Variants in TCERG1L observed in about 807,000 individuals in gnomAD.
TCERG1L encodes the protein transcription elongation regulator 1-like protein.
In TCERG1L, 37 loss-of-function variants were observed where a neutral mutation model predicts 56.3. That is an observed-to-expected ratio of 0.66 (90% CI 0.51 to 0.87). TCERG1L has a LOEUF of 0.87. TCERG1L is among the 40% of genes least tolerant of loss of function. The pLI is 0.00. For missense variants in TCERG1L, 799 were observed against 774.2 expected (o/e 1.03, Z -0.38); for synonymous variants, 324 against 326.3 (o/e 0.99, Z 0.08).
At chr10:131,285,974 T>C (rs1217343853) in intron 3 of TCERG1L, among the ~76,000 whole-genome samples, 1 of 152,204 alleles carries the variant, frequency 6.6e-6, no homozygotes, top group Non-Finnish European at 1.5e-5. Context: ...AGGACCAGCA[T>C]GGGGTACCAG....
chr10:131,140,637 G>C (rs1209913171), intron 7 of TCERG1L, among the ~76,000 whole-genome samples: 2 of 152,200 alleles, frequency 1.3e-5, no homozygotes, highest in Non-Finnish European at 2.9e-5. Context: ...GGGCACAGTG[G>C]GGGGTCCTCC....
At chr10:131,168,265 TC>T (rs879903625) in intron 4 of TCERG1L, among the ~76,000 whole-genome samples, 1 of 151,956 alleles carries the variant, frequency 6.6e-6, no homozygotes, top group Admixed American at 6.6e-5. Flanking sequence ...AGACTGGGGG[TC>T]CCACTGGCAC....
intron 7 of TCERG1L, among the ~76,000 whole-genome samples, chr10:131,144,097 C>G (rs979776103): frequency 2.6e-5 from 4 of 152,156 alleles, no homozygotes; most frequent in Admixed American, 1.3e-4. Flanking sequence ...CACATACACA[C>G]ACGCTCCCGA....
intron 4 of TCERG1L, among the ~76,000 whole-genome samples, chr10:131,256,933 G>A (rs1237498630): frequency 7.1e-6 from 1 of 140,142 alleles, no homozygotes; most frequent in South Asian, 2.4e-4. Context: ...GGAAGGAAGG[G>A]AGGGAGGAAG....
chr10:131,211,552 G>A (rs1845620756), intron 4 of TCERG1L, among the ~76,000 whole-genome samples: 1 of 152,228 alleles, frequency 6.6e-6, no homozygotes, highest in Admixed American at 6.5e-5. Context: ...CCTGGGACAA[G>A]TGAAAGCAAA....
intron 3 of TCERG1L, among the ~76,000 whole-genome samples, chr10:131,294,160 A>G (rs1051050740): frequency 5.3e-5 from 8 of 152,216 alleles, no homozygotes; most frequent in Admixed American, 5.2e-4. Context: ...AGGAAACTGT[A>G]TATCTGAAGA....
intron 4 of TCERG1L, among the ~76,000 whole-genome samples, chr10:131,232,729 C>T (rs939030430): frequency 1.3e-5 from 2 of 152,150 alleles, no homozygotes; most frequent in Non-Finnish European, 2.9e-5. Context: ...AAAATGGGCA[C>T]AAAACCCTCC....
chr10:131,288,656 A>T (rs1846573195), intron 3 of TCERG1L, among the ~76,000 whole-genome samples: 1 of 152,192 alleles, frequency 6.6e-6, no homozygotes, highest in Non-Finnish European at 1.5e-5. Context: ...AGATGAAATG[A>T]GTTAAGATGC....
At chr10:131,111,413 A>T (rs1295302287) in intron 9 of TCERG1L, among the ~76,000 whole-genome samples, 1 of 143,160 alleles carries the variant, frequency 7.0e-6, no homozygotes, top group Admixed American at 6.9e-5. Context: ...TACTTTTGCG[A>T]AAGTCCTGGA....
At chr10:131,109,496 CTG>C (rs1845389528) in intron 9 of TCERG1L, among the ~76,000 whole-genome samples, 1 of 152,154 alleles carries the variant, frequency 6.6e-6, no homozygotes, top group Non-Finnish European at 1.5e-5. Flanking sequence ...GTGTCTGTGG[CTG>C]TGTCTGTGAA....
chr10:131,222,593 G>A (rs1247189426), intron 4 of TCERG1L, among the ~76,000 whole-genome samples: 2 of 152,226 alleles, frequency 1.3e-5, no homozygotes, highest in African/African-American at 2.4e-5. Flanking sequence ...CAGCAAGGTG[G>A]ATTTTTCACC....
chr10:131,250,748 G>C (rs77390278), intron 4 of TCERG1L, among the ~76,000 whole-genome samples: 2,714 of 152,232 alleles, frequency 0.018, 83 homozygotes, highest in African/African-American at 0.062. Flanking sequence ...ACTTCTTAGG[G>C]AGTGAGAAGT....
chr10:131,310,886 G>A lies in TCERG1L; in HGVS notation c.342+408C>T, dbSNP rs140253353. The stretch of plus-strand genomic sequence containing the variant: ...CAGCTGAAACAGCTATCGATTTCCA[G>A]CTTGCTTTCAAGTCTGGCAGAGACT... On this transcript the variant is annotated intron_variant, in intron 1 of 11. Transcript: ENST00000368642. Among the ~76,000 whole-genome samples the A allele has an allele frequency of 4.6e-5, 7 of 152,342 alleles. No individual in the cohort carries two copies. The East Asian group carries it at 1.4e-3, about 29-fold the overall frequency.
chr10:131,132,702 C>T (rs1486294078), intron 8 of TCERG1L, among the ~76,000 whole-genome samples: 1 of 152,254 alleles, frequency 6.6e-6, no homozygotes, highest in Middle Eastern at 3.2e-3. Flanking sequence ...TGGGCTCTTT[C>T]CTGGAGCCCT....
At chr10:131,262,045 G>A (rs1286520929) in intron 3 of TCERG1L, among the ~76,000 whole-genome samples, 1 of 152,178 alleles carries the variant, frequency 6.6e-6, no homozygotes, top group African/African-American at 2.4e-5. Flanking sequence ...AGTGTTCGAG[G>A]CACAGCATAC....
chr10:131,125,231 T>C (rs897056633), intron 8 of TCERG1L, among the ~76,000 whole-genome samples: 17 of 152,218 alleles, frequency 1.1e-4, no homozygotes, highest in African/African-American at 3.9e-4. Context: ...GTGGTGGTGA[T>C]GATTCTTCAC....
intron 4 of TCERG1L, among the ~76,000 whole-genome samples, chr10:131,174,305 C>A (rs185140931): frequency 6.6e-6 from 1 of 152,248 alleles, no homozygotes; most frequent in Non-Finnish European, 1.5e-5. Flanking sequence ...CCCAGCATCA[C>A]GCCCGGCCGC....
intron 6 of TCERG1L, among the ~76,000 whole-genome samples, chr10:131,156,893 C>A (rs1276987743): frequency 1.3e-5 from 2 of 152,160 alleles, no homozygotes; most frequent in Non-Finnish European, 2.9e-5. Flanking sequence ...ATGCCCCTGG[C>A]CGAATAAACC....
intron 3 of TCERG1L, among the ~76,000 whole-genome samples, chr10:131,295,926 C>G (rs1400896174): frequency 1.3e-5 from 2 of 152,076 alleles, no homozygotes; most frequent in African/African-American, 4.8e-5. Flanking sequence ...GGTGATGTGT[C>G]TGGTCATATA....
Sources: allele counts gnomAD v4.1 joint callset (sites outside exome capture counted in the v4.1 genomes callset), GRCh38; gene constraint gnomAD v4.1.1; transcripts MANE v1.5; gene names NCBI Gene and HGNC (gene_info 2026-07-23, HGNC 2026-07-21).